TSNARE1: variants seen among roughly 807,000 people sequenced by gnomAD.
TSNARE1 encodes t-SNARE domain containing 1.
In TSNARE1, 49 loss-of-function variants were observed where a neutral mutation model predicts 62.0. The observed-to-expected ratio is 0.79, with a 90% CI of 0.63 to 1.00. TSNARE1 has a LOEUF of 1.00. Among genes scored for constraint, TSNARE1 ranks in the 50% least tolerant of loss-of-function variants. The probability of loss-of-function intolerance (pLI) is 0.00; values close to 1 mark genes in which losing one functional copy is unlikely to be tolerated. For synonymous variants in TSNARE1, 328 were observed against 294.4 expected (o/e 1.11, Z -1.17); for missense variants, 755 against 700.1 (o/e 1.08, Z -0.88).
chr8:142,367,059 A>G (rs1835600510), intron 1 of TSNARE1, among the ~76,000 whole-genome samples: 1 of 152,222 alleles, frequency 6.6e-6, no homozygotes, highest in South Asian at 2.1e-4. Flanking sequence ...TAAATTTAAC[A>G]TGAAATGGGA....
At chr8:142,227,023 C>CCCCTT in intron 13 of TSNARE1, among the ~76,000 whole-genome samples, 1 of 134,490 alleles carries the variant, frequency 7.4e-6, no homozygotes, top group Non-Finnish European at 1.6e-5. Context: ...AGCCAAGCCC[C>CCCCTT]CCACTGCACC....
chr8:142,257,294 T>C (rs1818631500), intron 12 of TSNARE1, among the ~76,000 whole-genome samples: 1 of 152,080 alleles, frequency 6.6e-6, no homozygotes, highest in Non-Finnish European at 1.5e-5. Flanking sequence ...AGGGGCAGAT[T>C]GGACAGGACA....
At chr8:142,346,367 C>T (rs988205875) in intron 2 of TSNARE1, among the ~76,000 whole-genome samples, 4 of 152,396 alleles carry the variant, frequency 2.6e-5, no homozygotes, top group Non-Finnish European at 5.9e-5. Flanking sequence ...TGTCCCCACT[C>T]GGCTTTGCGG....
intron 1 of TSNARE1, among the ~76,000 whole-genome samples, chr8:142,361,578 G>A (rs1452289759): frequency 6.6e-6 from 1 of 152,220 alleles, no homozygotes; most frequent in African/African-American, 2.4e-5. Flanking sequence ...ACCCAGTGTG[G>A]CTGAGCTCAC....
chr8:142,229,991 G>A (rs920005941), intron 12 of TSNARE1, among the ~76,000 whole-genome samples: 1 of 152,194 alleles, frequency 6.6e-6, no homozygotes, highest in Admixed American at 6.5e-5. Context: ...GGTGATGCCT[G>A]GAAACTACAT....
At chr8:142,269,769 G>A (rs535163762) in intron 12 of TSNARE1, 27 of 985,126 alleles carry the variant, frequency 2.7e-5, no homozygotes, top group East Asian at 1.1e-4. Flanking sequence ...TGGAGGCCCC[G>A]CCCAGAACCA....
At chr8:142,327,684 T>TA (rs1314695203) in intron 6 of TSNARE1, among the ~76,000 whole-genome samples, 1 of 152,204 alleles carries the variant, frequency 6.6e-6, no homozygotes, top group Non-Finnish European at 1.5e-5. Flanking sequence ...CTGCCCTGCT[T>TA]AAGCTCTCAC....
At position 142,260,383 on chromosome 8, in the gene TSNARE1, A is replaced by G. The variant is rs140410914; in HGVS notation, c.1446+14398T>C. Reference sequence around the variant, plus strand: ...GAGGGCCAGATGAGCAAGCATGGGCACTGGGGCCGGGTCTGGCAGCCCACT... The same window carrying G: ...GAGGGCCAGATGAGCAAGCATGGGCGCTGGGGCCGGGTCTGGCAGCCCACT... On this transcript the variant is annotated intron_variant, in intron 12 of 13. Transcript: ENST00000524325. 2.0e-3 allele frequency among the ~76,000 whole-genome samples: 307 copies of G among 152,268 alleles called. 1 individual carries two copies. In the East Asian group the frequency reaches 0.04, roughly 20 times the overall value.
chr8:142,230,025 G>A (rs1478699191), intron 12 of TSNARE1, among the ~76,000 whole-genome samples: 1 of 152,240 alleles, frequency 6.6e-6, no homozygotes, highest in Non-Finnish European at 1.5e-5. Context: ...GCGAATGCCA[G>A]ACATATAGTC....
chr8:142,274,882 G>C lies in TSNARE1; in HGVS notation c.1364-19C>G. ...ATACTATCTGCAAATCAAGACAACA[G>C]AAGGCAATTACAGATGGAGGCCCAG... On this transcript the variant is annotated intron_variant, in intron 11 of 13. Coordinates refer to ENST00000524325, the MANE Select transcript of TSNARE1 (RefSeq NM_145003.5). The C allele has an allele frequency of 2.0e-6, 3 of 1,529,906 alleles. No individual in the cohort carries two copies. Among genetic ancestry groups the C allele is most frequent in the Admixed American group, 2.0e-5 (1 of 49,790 alleles). 94.8% of individuals were successfully genotyped at this position (1,529,906 alleles called of 1,614,324 possible).
chr8:142,309,130 T>G (rs1000727464), intron 9 of TSNARE1, among the ~76,000 whole-genome samples: 1 of 152,244 alleles, frequency 6.6e-6, no homozygotes, highest in African/African-American at 2.4e-5. Flanking sequence ...TCTTCTTGTC[T>G]AGTGACCTGT....
At chr8:142,304,836 G>A (rs938340398) in intron 9 of TSNARE1, among the ~76,000 whole-genome samples, 1 of 152,198 alleles carries the variant, frequency 6.6e-6, no homozygotes, top group East Asian at 1.9e-4. Context: ...CTCCCAGGGG[G>A]GACATGGCCA....
intron 11 of TSNARE1, among the ~76,000 whole-genome samples, chr8:142,283,763 G>A (rs1448687082): frequency 3.6e-5 from 5 of 138,590 alleles, no homozygotes; most frequent in African/African-American, 1.4e-4. Context: ...AGCAGAGGCA[G>A]GGACAGCGTC....
At chr8:142,216,031 G>A (rs989758799) in intron 13 of TSNARE1, among the ~76,000 whole-genome samples, 2 of 152,172 alleles carry the variant, frequency 1.3e-5, no homozygotes, top group African/African-American at 2.4e-5. Context: ...GGCATCTGCC[G>A]GCTGAGTGGC....
chr8:142,231,232 C>T (rs1442351543), intron 12 of TSNARE1, among the ~76,000 whole-genome samples: 1 of 152,214 alleles, frequency 6.6e-6, no homozygotes, highest in East Asian at 1.9e-4. Context: ...ACTTCCCAGC[C>T]TTGGGAAACA....
chr8:142,223,313 C>CTCAACCACTCACTCGT (rs1248245417), intron 13 of TSNARE1, among the ~76,000 whole-genome samples: 1 of 62,796 alleles, frequency 1.6e-5, no homozygotes, highest in African/African-American at 5.1e-5. Context: ...CACTCATTCA[C>CTCAACCACTCACTCGT]TCACTCATTC....
At chr8:142,355,793 G>A (rs1834682658) in intron 1 of TSNARE1, among the ~76,000 whole-genome samples, 1 of 152,210 alleles carries the variant, frequency 6.6e-6, no homozygotes, top group Non-Finnish European at 1.5e-5. Flanking sequence ...CCTCACGCCA[G>A]CTGAGTACAG....
intron 10 of TSNARE1, among the ~76,000 whole-genome samples, chr8:142,286,168 C>T (rs1021580619): frequency 1.3e-5 from 2 of 152,130 alleles, no homozygotes; most frequent in Non-Finnish European, 2.9e-5. Flanking sequence ...ACTTATCACC[C>T]GAACAAAAGC....
intron 13 of TSNARE1, among the ~76,000 whole-genome samples, chr8:142,214,116 G>A (rs1415820649): frequency 6.6e-6 from 1 of 152,192 alleles, no homozygotes; most frequent in Non-Finnish European, 1.5e-5. Context: ...AGGGCTCAGG[G>A]ACTGGCCGAC....
Sources: gnomAD v4.1 joint callset for allele counts (sites outside exome capture counted in the v4.1 genomes callset) on GRCh38, gnomAD v4.1.1 for gene constraint, MANE v1.5 for transcripts, NCBI Gene and HGNC (gene_info 2026-07-23, HGNC 2026-07-21) for gene names.